MRPS24: variants seen among roughly 807,000 people sequenced by gnomAD.
MRPS24 encodes mitochondrial ribosomal protein S24.
In MRPS24, 15 loss-of-function variants were observed where a neutral mutation model predicts 21.8. The observed-to-expected ratio is 0.69, with a 90% CI of 0.46 to 1.06. The LOEUF (loss-of-function observed/expected upper bound fraction) is 1.06. Ranked by LOEUF, MRPS24 falls within the 50% of genes least tolerant of loss-of-function variation. MRPS24 has a pLI of 0.00. For synonymous variants in MRPS24, 93 were observed against 93.7 expected (o/e 0.99, Z 0.04); for missense variants, 224 against 219.1 (o/e 1.02, Z -0.14).
rs2095836494 is a variant in MRPS24, at chr7:43,866,605, G to A, written c.*94C>T. On this transcript the variant is annotated 3_prime_UTR_variant, in exon 4 of 4. Transcript: ENST00000317534. ...ATAGCAGATGAGAGACTATGCCTCA[G>A]TCCTCTGAGGGGATGCATTTCCCCC... 4 of 1,396,102 alleles carry A rather than the reference G, an allele frequency of 2.9e-6. No individual in the cohort carries two copies. In the East Asian group the frequency reaches 9.2e-5, roughly 32 times the overall value. The allele number at this position is 1,396,102 out of a possible 1,614,324, so 86.5% of individuals were successfully genotyped here. A position where few individuals can be genotyped will look rare whatever the true frequency, so the allele number is the denominator to read the frequency against.
intron 3 of MRPS24, 30 bp from the exon 4 acceptor site, chr7:43,867,012 C>T (rs754445383): frequency 1.9e-6 from 3 of 1,606,482 alleles, no homozygotes; most frequent in Admixed American, 3.3e-5. Flanking sequence ...ATAGAAGAAT[C>T]AGCCTCATTG....
At chr7:43,868,325 C>T (rs1017433689) in intron 3 of MRPS24, 1 of 152,114 alleles carries the variant, frequency 6.6e-6, no homozygotes, top group Non-Finnish European at 1.5e-5. Context: ...ATAAAAAGGA[C>T]ACCTTTTACA....
Position 43,868,956 on chromosome 7 carries a change from C to T in MRPS24, c.220+7G>A. On this transcript the variant is annotated splice_region_variant and intron_variant, in intron 3 of 3. Transcript: ENST00000317534. ...GTGCTCCTTTTGGAGGCCTGGGGTC[C>T]GCTCACCTGTGTGCAGCGACAGCCA... The T allele has an allele frequency of 6.2e-7, 1 of 1,613,144 alleles. No individual in the cohort carries two copies.
At chr7:43,867,044 C>G in intron 3 of MRPS24, 62 bp from the exon 4 acceptor site, 1 of 1,556,064 alleles carries the variant, frequency 6.4e-7, no homozygotes, top group Non-Finnish European at 8.8e-7. Flanking sequence ...TGCCATAACT[C>G]CAGAGTCAAC....
intron 3 of MRPS24, chr7:43,867,549 AG>A (rs2095837428): frequency 1.9e-5 from 1 of 52,202 alleles, no homozygotes. Flanking sequence ...TTTTTTTTTG[AG>A]ATGGAGTCTC....
intron 3 of MRPS24, chr7:43,868,663 T>C (rs997388492): frequency 2.9e-6 from 1 of 348,282 alleles, no homozygotes; most frequent in African/African-American, 2.1e-5. Flanking sequence ...AAATTACAGA[T>C]AACTGACAGG....
At position 43,869,321 on chromosome 7, in the gene MRPS24, G is replaced by A. The variant is rs1453390140; in HGVS notation, c.95C>T (p.Pro32Leu). The A allele has an allele frequency of 6.7e-7, 1 of 1,498,010 alleles. No homozygotes were observed. Among genetic ancestry groups the A allele is most frequent in the Non-Finnish European group, 9.0e-7 (1 of 1,116,922 alleles). 92.8% of individuals were successfully genotyped at this position (1,498,010 alleles called of 1,614,324 possible). A position where few individuals can be genotyped will look rare whatever the true frequency, so the allele number is the denominator to read the frequency against. The change falls in exon 2 of 4, where the codon CCG (proline) becomes CTG (leucine). Residue 32 changes from proline to leucine, a missense_variant. Physicochemically the swap from Pro to Leu is moderately conservative, Grantham distance 98 (BLOSUM62 -3). Transcript: ENST00000317534. The surrounding 1 kb of genome is among the most constrained non-coding windows in gnomAD (Gnocchi z 4.8). ...GGCGGTGCTCACCTTGGCGCAGACC[G>A]GGGAGGTGTGCAGGGCGCGCCAAGC... The part of the protein sequence containing the change: ...PCAWRALHTS[P>L]VCAKNRAARV...
chr7:43,868,995 G>A lies in MRPS24; in HGVS notation c.188C>T (p.Ala63Val). ...CAGCGACAGCCAGCCTTTACGGTGG[G>A]CGATGTAGTGCGGCGCGTGTGCCTC... ...YEEAHAPHYI[A>V]HRKGWLSLHT... is the part of the protein sequence containing the mutation. Residue 63 changes from alanine to valine, a missense_variant, in exon 3 of 4, where the codon GCC becomes GTC. Physicochemically the swap from Ala to Val is moderately conservative, Grantham distance 64. Transcript: ENST00000317534. The A allele has an allele frequency of 6.2e-7, 1 of 1,614,020 alleles. No individual in the cohort carries two copies.
Position 43,866,950 on chromosome 7 carries a change from G to T in MRPS24, c.253C>A (p.Arg85=). The T allele has an allele frequency of 2.5e-6, 4 of 1,614,136 alleles. No homozygotes were observed. Among genetic ancestry groups the T allele is most frequent in the Non-Finnish European group, 3.4e-6 (4 of 1,180,016 alleles). ...NLDGEDHAAE[R]TVEDVFLRKF... ...CGAAGGAAAACATCCTCCACCGTTCGCTCTGCGGCATGGTCCTCTCCATCC... is the reference window on the plus strand; with the variant it reads ...CGAAGGAAAACATCCTCCACCGTTCTCTCTGCGGCATGGTCCTCTCCATCC... The change falls in exon 4 of 4, where the codon CGA becomes AGA. Residue 85 remains arginine (R), a synonymous_variant. Transcript: ENST00000317534.
chr7:43,869,284 G>GGCCCCC lies in MRPS24; in HGVS notation c.108+23_108+24insGGGGGC. 1.9e-6 allele frequency: 2 copies of GGCCCCC among 1,073,120 alleles called. No homozygotes were observed. The allele number at this position is 1,073,120 out of a possible 1,614,324, so 66.5% of individuals were successfully genotyped here. ...CGGCCCCCCGGCCCCCAGGCCCCCAGGCCCCTGCCCCGGCGGTGCTCACCT... is the reference window on the plus strand; with the variant it reads ...CGGCCCCCCGGCCCCCAGGCCCCCAGGCCCCCGCCCCTGCCCCGGCGGTGCTCACCT... On this transcript the variant is annotated intron_variant, in intron 2 of 3. Coordinates refer to ENST00000317534, the MANE Select transcript of MRPS24 (RefSeq NM_032014.3). This position sits in a 1 kb window ranked among gnomAD's most constrained non-coding sequence, Gnocchi z 4.8.
Position 43,869,516 on chromosome 7 carries a change from G to T in MRPS24, c.-21C>A. ...GCCATCTTGGGCCAAGCGGAGCGCG[G>T]GACGTACCACAGCGCGCTGAGGGGT... On this transcript the variant is annotated 5_prime_UTR_variant, in exon 1 of 4. Transcript: ENST00000317534. The surrounding 1 kb of genome is among the most constrained non-coding windows in gnomAD (Gnocchi z 4.8). 1 of 1,559,546 alleles carries T rather than the reference G, an allele frequency of 6.4e-7. No individual in the cohort carries two copies. Among genetic ancestry groups the T allele is most frequent in the Non-Finnish European group, 8.7e-7 (1 of 1,155,142 alleles).
chr7:43,868,883 G>T, intron 3 of MRPS24, 80 bp downstream of exon 3: 1 of 1,530,830 alleles, frequency 6.5e-7, no homozygotes, highest in Non-Finnish European at 8.9e-7. Context: ...CTGAGTTAAA[G>T]AAAACCTGTG....
chr7:43,869,275 A>T lies in MRPS24; in HGVS notation c.108+33T>A, dbSNP rs756683658. 8.0e-6 allele frequency: 5 copies of T among 626,158 alleles called. No individual in the cohort carries two copies. The highest frequency in any genetic ancestry group is 7.9e-5 in the Admixed American group (1 of 12,636). 38.8% of individuals were successfully genotyped at this position (626,158 alleles called of 1,614,324 possible). ...CCCGGCCCCCGGCCCCCCGGCCCCCAGGCCCCCAGGCCCCTGCCCCGGCGG... is the reference window on the plus strand; with the variant it reads ...CCCGGCCCCCGGCCCCCCGGCCCCCTGGCCCCCAGGCCCCTGCCCCGGCGG... On this transcript the variant is annotated intron_variant, in intron 2 of 3. Coordinates refer to ENST00000317534, the MANE Select transcript of MRPS24 (RefSeq NM_032014.3). This position sits in a 1 kb window ranked among gnomAD's most constrained non-coding sequence, Gnocchi z 4.8.
In MRPS24 at chr7:43,869,120, C is replaced by T. The variant is rs1389452443; in HGVS notation, c.109-46G>A. On this transcript the variant is annotated intron_variant, in intron 2 of 3. Coordinates refer to ENST00000317534, the MANE Select transcript of MRPS24 (RefSeq NM_032014.3). The surrounding 1 kb of genome is among the most constrained non-coding windows in gnomAD (Gnocchi z 4.8). ...GACTCCACGAGATCCCCGATCCAGA[C>T]CCCTACTTCGCGCCATGTCCCCCCA... The T allele has an allele frequency of 4.4e-6, 7 of 1,580,736 alleles. 1 individual carries two copies. The South Asian group carries it at 6.8e-5, about 15-fold the overall frequency.
rs778186629 is a variant in MRPS24, at chr7:43,866,946, G to A, written c.257C>T (p.Thr86Met). The change falls in exon 4 of 4, where the codon ACG becomes ATG. Residue 86 changes from threonine (T) to methionine (M), a missense_variant. Thr to Met is a moderately conservative substitution (Grantham distance 81, BLOSUM62 -1). Transcript: ENST00000317534. ...LDGEDHAAERTVEDVFLRKFM... is the reference protein window; with the variant it reads ...LDGEDHAAERMVEDVFLRKFM... ...CTTGCGAAGGAAAACATCCTCCACC[G>A]TTCGCTCTGCGGCATGGTCCTCTCC... is the stretch of plus-strand genomic sequence containing the variant. 1.6e-5 allele frequency: 26 copies of A among 1,613,974 alleles called. No individual in the cohort carries two copies. The Admixed American group carries it at 2.5e-4, about 16-fold the overall frequency.
At chr7:43,867,005 G>A in intron 3 of MRPS24, 23 bp from the exon 4 acceptor site, 1 of 1,610,362 alleles carries the variant, frequency 6.2e-7, no homozygotes, top group East Asian at 2.2e-5. Context: ...GGGCATAATA[G>A]AAGAATCAGC....
chr7:43,869,106 A>T lies in MRPS24; in HGVS notation c.109-32T>A. On this transcript the variant is annotated intron_variant, in intron 2 of 3. Coordinates refer to ENST00000317534, the MANE Select transcript of MRPS24 (RefSeq NM_032014.3). This position sits in a 1 kb window ranked among gnomAD's most constrained non-coding sequence, Gnocchi z 4.8. ...GCAAAAGGGGCCGTGACTCCACGAG[A>T]TCCCCGATCCAGACCCCTACTTCGC... is the stretch of plus-strand genomic sequence containing the variant. The T allele has an allele frequency of 6.2e-7, 1 of 1,601,062 alleles. No individual in the cohort carries two copies. Among genetic ancestry groups the T allele is most frequent in the Non-Finnish European group, 8.5e-7 (1 of 1,177,120 alleles).
intron 3 of MRPS24, 114 bp downstream of exon 3, chr7:43,868,849 G>A: frequency 7.6e-7 from 1 of 1,316,858 alleles, no homozygotes; most frequent in Non-Finnish European, 1.0e-6. Flanking sequence ...TGGTTTCATA[G>A]ATTTCTGACC....
At position 43,866,696 on chromosome 7, in the gene MRPS24, G is replaced by A. The variant is rs767727531; in HGVS notation, c.*3C>T. The A allele has an allele frequency of 6.2e-7, 1 of 1,613,880 alleles. No individual in the cohort carries two copies. Among genetic ancestry groups the A allele is most frequent in the Non-Finnish European group, 8.5e-7 (1 of 1,179,788 alleles). On this transcript the variant is annotated 3_prime_UTR_variant, in exon 4 of 4. Transcript: ENST00000317534. ...ACAGCTTGATGGAAAAAAGGGGATT[G>A]TTCTAGAGGTACTTATACACAACCT...
Sources: allele counts gnomAD v4.1 joint callset, GRCh38; gene constraint gnomAD v4.1.1; non-coding constraint Gnocchi (gnomAD v3.1); transcripts MANE v1.5; gene names NCBI Gene and HGNC (gene_info 2026-07-23, HGNC 2026-07-21).